KCNQ1OT1: variants seen among roughly 807,000 people sequenced by gnomAD.
The protein encoded by KCNQ1OT1 is KCNQ1 antisense RNA 2 (non-protein coding).
At chr11:2,640,962 C>T (rs1362394792) in exon 1 of KCNQ1OT1, 1 of 398,554 alleles carries the variant, frequency 2.5e-6, no homozygotes, top group African/African-American at 2.1e-5. Context: ...ATAATGACCT[C>T]CAGCTCCATT....
exon 1 of KCNQ1OT1, chr11:2,693,277 C>G (rs1435432171): frequency 2.5e-6 from 1 of 398,618 alleles, no homozygotes; most frequent in Non-Finnish European, 4.4e-6. Context: ...AACTCAGATG[C>G]ACACCCTCCA....
At position 2,659,516 on chromosome 11, in the gene KCNQ1OT1, A is replaced by T. The variant is rs1849912669; in HGVS notation, n.40479T>A. ...TTTATGCATTCACCTGTTGAAGGAC[A>T]TCTTCATTGTTTCCAGTATTTGGTA... On this transcript the variant is annotated non_coding_transcript_exon_variant, in exon 1 of 1. Coordinates refer to ENST00000597346, the Ensembl canonical transcript of KCNQ1OT1. The surrounding 1 kb of genome is among the most constrained non-coding windows in gnomAD (Gnocchi z 4.3). The T allele has an allele frequency of 2.5e-6, 1 of 398,594 alleles. No homozygotes were observed. Among genetic ancestry groups the T allele is most frequent in the Non-Finnish European group, 4.4e-6 (1 of 226,034 alleles). 24.7% of individuals were successfully genotyped at this position (398,594 alleles called of 1,614,324 possible). A position where few individuals can be genotyped will look rare whatever the true frequency, so the allele number is the denominator to read the frequency against.
At chr11:2,622,368 A>G (rs946679606) in exon 1 of KCNQ1OT1, 4 of 398,112 alleles carry the variant, frequency 1.0e-5, no homozygotes, top group Admixed American at 4.4e-5. Flanking sequence ...AATTACCTCC[A>G]GCTTTCTTTA....
exon 1 of KCNQ1OT1, chr11:2,660,218 C>A: frequency 2.5e-6 from 1 of 397,618 alleles, no homozygotes; most frequent in Non-Finnish European, 4.4e-6. Context: ...TATGTAGTAC[C>A]CTTTAAATTT....
exon 1 of KCNQ1OT1, chr11:2,614,702 C>T (rs1037584128): frequency 2.5e-6 from 1 of 398,398 alleles, no homozygotes; most frequent in Admixed American, 4.4e-5. Flanking sequence ...GTGTTTATTT[C>T]TACATTCTCT....
exon 1 of KCNQ1OT1, chr11:2,697,066 A>G (rs576843213): frequency 3.5e-5 from 14 of 398,452 alleles, no homozygotes; most frequent in African/African-American, 8.2e-5. Flanking sequence ...AAACATTTTC[A>G]TAATAATACT....
chr11:2,678,573 T>A lies in KCNQ1OT1; in HGVS notation n.21422A>T, dbSNP rs1170788391. ...CTCAGTTATTTTAATTATGTAACTT[T>A]ATGATGCACTTATCTGTGTAGCAGG... On this transcript the variant is annotated non_coding_transcript_exon_variant, in exon 1 of 1. Transcript: ENST00000597346. The surrounding 1 kb of genome is among the most constrained non-coding windows in gnomAD (Gnocchi z 4.9). The A allele has an allele frequency of 2.5e-6, 1 of 398,542 alleles. No homozygotes were observed. Among genetic ancestry groups the A allele is most frequent in the Non-Finnish European group, 4.4e-6 (1 of 226,070 alleles). The allele number at this position is 398,542 out of a possible 1,614,324, so 24.7% of individuals were successfully genotyped here. A position where few individuals can be genotyped will look rare whatever the true frequency, so the allele number is the denominator to read the frequency against.
chr11:2,637,055 A>G (rs1047090690), exon 1 of KCNQ1OT1: 2 of 151,460 alleles, frequency 1.3e-5, no homozygotes, highest in African/African-American at 2.4e-5. Context: ...TTTTTATTGC[A>G]TCTATTTGAT....
chr11:2,609,625 G>C, exon 1 of KCNQ1OT1: 1 of 398,310 alleles, frequency 2.5e-6, no homozygotes. Context: ...GAGTGTTGAA[G>C]TCTCCAACTA....
chr11:2,620,170 G>A lies in KCNQ1OT1; in HGVS notation n.79825C>T. ...GATAGTGGCCTCTAGCTGCATCCAT[G>A]TTGCTGCAAAGGACGTAAGTTCATT... On this transcript the variant is annotated non_coding_transcript_exon_variant, in exon 1 of 1. Coordinates refer to ENST00000597346, the Ensembl canonical transcript of KCNQ1OT1. This position sits in a 1 kb window ranked among gnomAD's most constrained non-coding sequence, Gnocchi z 4.5. 2.5e-6 allele frequency: 1 copy of A among 394,598 alleles called. No individual in the cohort carries two copies. The highest frequency in any genetic ancestry group is 4.4e-6 in the Non-Finnish European group (1 of 224,754). 24.4% of individuals were successfully genotyped at this position (394,598 alleles called of 1,614,324 possible). A position where few individuals can be genotyped will look rare whatever the true frequency, so the allele number is the denominator to read the frequency against.
rs372963225 is a variant in KCNQ1OT1, at chr11:2,667,888, G to A, written n.32107C>T. The A allele has an allele frequency of 3.7e-4, 148 of 398,634 alleles. 1 individual carries two copies. The highest frequency in any genetic ancestry group is 1.3e-3 in the East Asian group (37 of 28,082). The allele number at this position is 398,634 out of a possible 1,614,324, so 24.7% of individuals were successfully genotyped here. A position where few individuals can be genotyped will look rare whatever the true frequency, so the allele number is the denominator to read the frequency against. On this transcript the variant is annotated non_coding_transcript_exon_variant, in exon 1 of 1. Transcript: ENST00000597346. Reference sequence around the variant, plus strand: ...AGATTAGTACACAGGTCTCAAGTGCGCAGCTTGAGGCATCTTCAGTCCCTG... The same window carrying A: ...AGATTAGTACACAGGTCTCAAGTGCACAGCTTGAGGCATCTTCAGTCCCTG...
At chr11:2,629,897 A>C in exon 1 of KCNQ1OT1, 1 of 397,968 alleles carries the variant, frequency 2.5e-6, no homozygotes, top group Non-Finnish European at 4.4e-6. Context: ...CTTCTTTCTG[A>C]TTTGAGTGTA....
At chr11:2,672,709 A>C (rs900489527) in exon 1 of KCNQ1OT1, 6 of 398,778 alleles carry the variant, frequency 1.5e-5, no homozygotes, top group Admixed American at 4.4e-5. Context: ...AGCCAAGGCC[A>C]GATGTCAGGT....
In KCNQ1OT1 at chr11:2,669,354, G is replaced by A. The variant is rs1850141609; in HGVS notation, n.30641C>T. On this transcript the variant is annotated non_coding_transcript_exon_variant, in exon 1 of 1. Coordinates refer to ENST00000597346, the Ensembl canonical transcript of KCNQ1OT1. This position sits in a 1 kb window ranked among gnomAD's most constrained non-coding sequence, Gnocchi z 5.6. ...GGCGCAGCAGCCTCTAGATGGGCAT[G>A]GGAGAATGGGTATCCTTATAGTTTT... is the stretch of plus-strand genomic sequence containing the variant. The A allele has an allele frequency of 2.5e-6, 1 of 398,648 alleles. No homozygotes were observed. The allele number at this position is 398,648 out of a possible 1,614,324, so 24.7% of individuals were successfully genotyped here.
chr11:2,678,061 A>G lies in KCNQ1OT1; in HGVS notation n.21934T>C. 5.0e-6 allele frequency: 2 copies of G among 398,344 alleles called. No individual in the cohort carries two copies. The highest frequency in any genetic ancestry group is 4.4e-5 in the Admixed American group (1 of 22,734). The allele number at this position is 398,344 out of a possible 1,614,324, so 24.7% of individuals were successfully genotyped here. A position where few individuals can be genotyped will look rare whatever the true frequency, so the allele number is the denominator to read the frequency against. On this transcript the variant is annotated non_coding_transcript_exon_variant, in exon 1 of 1. Transcript: ENST00000597346. This position sits in a 1 kb window ranked among gnomAD's most constrained non-coding sequence, Gnocchi z 4.9. Reference sequence around the variant, plus strand: ...TGAACTATTTCTTCATACCCTTTGGACTTTGTAAAATACCTTGTCTTACTG... The same window carrying G: ...TGAACTATTTCTTCATACCCTTTGGGCTTTGTAAAATACCTTGTCTTACTG...
chr11:2,626,610 C>G lies in KCNQ1OT1; in HGVS notation n.73385G>C. 2.5e-6 allele frequency: 1 copy of G among 398,656 alleles called. No homozygotes were observed. Among genetic ancestry groups the G allele is most frequent in the South Asian group, 1.3e-4 (1 of 7,852 alleles). The allele number at this position is 398,656 out of a possible 1,614,324, so 24.7% of individuals were successfully genotyped here. On this transcript the variant is annotated non_coding_transcript_exon_variant, in exon 1 of 1. Coordinates refer to ENST00000597346, the Ensembl canonical transcript of KCNQ1OT1. This position sits in a 1 kb window ranked among gnomAD's most constrained non-coding sequence, Gnocchi z 4.0. The stretch of plus-strand genomic sequence containing the variant: ...GTGGCATTATCACTGCTTACTGCCA[C>G]CTCAATCTCCCAGGCTCAAGCAATC...
At chr11:2,630,562 A>C (rs935085793) in exon 1 of KCNQ1OT1, 4 of 398,248 alleles carry the variant, frequency 1.0e-5, no homozygotes, top group African/African-American at 8.2e-5. Flanking sequence ...TGAAAACAAT[A>C]GTAATTTTTA....
At chr11:2,632,315 A>G (rs945371994) in exon 1 of KCNQ1OT1, 5 of 398,236 alleles carry the variant, frequency 1.3e-5, no homozygotes, top group African/African-American at 8.2e-5. Context: ...GATCATATCT[A>G]TGAACAAACA....
chr11:2,699,991 T>C (rs1056107927), exon 1 of KCNQ1OT1: 27 of 398,102 alleles, frequency 6.8e-5, no homozygotes, highest in African/African-American at 3.3e-4. Context: ...GCGGCGACCG[T>C]TCTGCCTGGA....
Sources: allele counts gnomAD v4.1 joint callset, GRCh38; gene constraint gnomAD v4.1.1; non-coding constraint Gnocchi (gnomAD v3.1); transcripts MANE v1.5; gene names NCBI Gene and HGNC (gene_info 2026-07-23, HGNC 2026-07-21).